VWC2L: variants seen among roughly 807,000 people sequenced by gnomAD.
VWC2L encodes the protein von Willebrand factor C domain containing 2 like.
VWC2L carries 10 observed loss-of-function variants against 21.6 expected under a neutral mutation model. That is an observed-to-expected ratio of 0.46 (90% CI 0.29 to 0.78). The LOEUF (loss-of-function observed/expected upper bound fraction) is 0.78, where lower values mean the gene tolerates loss of function less well. Among genes scored for constraint, VWC2L ranks in the 30% least tolerant of loss-of-function variants. The pLI is 0.10. For missense variants in VWC2L, 209 were observed against 277.1 expected (o/e 0.75, Z 1.74); for synonymous variants, 96 against 94.3 (o/e 1.02, Z -0.10).
intron 3 of VWC2L, among the ~76,000 whole-genome samples, chr2:214,548,380 GATGATGTA>G (rs567092875): frequency 4.1e-4 from 62 of 152,338 alleles, no homozygotes; most frequent in Non-Finnish European, 6.9e-4. Context: ...TGTTGGCAGA[GATGATGTA>G]CTTTTGATTT....
chr2:214,552,403 C>A (rs1689807924), intron 3 of VWC2L, among the ~76,000 whole-genome samples: 1 of 152,154 alleles, frequency 6.6e-6, no homozygotes, highest in African/African-American at 2.4e-5. Flanking sequence ...CCACATCTCA[C>A]TTTCAAAACA....
At chr2:214,473,203 T>C (rs563001333) in intron 3 of VWC2L, among the ~76,000 whole-genome samples, 1 of 152,292 alleles carries the variant, frequency 6.6e-6, no homozygotes, top group South Asian at 2.1e-4. Flanking sequence ...TCCTAATGAA[T>C]AATGACCAAG....
At chr2:214,515,465 G>A (rs1689126244) in intron 3 of VWC2L, among the ~76,000 whole-genome samples, 2 of 152,184 alleles carry the variant, frequency 1.3e-5, no homozygotes, top group Non-Finnish European at 2.9e-5. Flanking sequence ...GAGCCTTAAA[G>A]GGACAGCTGC....
intron 2 of VWC2L, among the ~76,000 whole-genome samples, chr2:214,430,554 C>T (rs1459356907): frequency 6.6e-6 from 1 of 151,852 alleles, no homozygotes; most frequent in African/African-American, 2.4e-5. Flanking sequence ...TTAAATTAGA[C>T]ATCATATTTC....
At chr2:214,514,970 T>C (rs1401363925) in intron 3 of VWC2L, among the ~76,000 whole-genome samples, 4 of 152,202 alleles carry the variant, frequency 2.6e-5, no homozygotes, top group Non-Finnish European at 5.9e-5. Context: ...AAAATACAGT[T>C]TTAATTCCTG....
chr2:214,461,136 C>T (rs1703134401), intron 3 of VWC2L, among the ~76,000 whole-genome samples: 2 of 152,166 alleles, frequency 1.3e-5, no homozygotes, highest in African/African-American at 4.8e-5. Flanking sequence ...GTAGTCAGGC[C>T]CCAGTCGTGG....
intron 3 of VWC2L, among the ~76,000 whole-genome samples, chr2:214,531,490 C>A (rs1368944710): frequency 6.6e-6 from 1 of 152,086 alleles, no homozygotes; most frequent in Non-Finnish European, 1.5e-5. Flanking sequence ...TGCATTTTCT[C>A]TGTATTAGAA....
intron 3 of VWC2L, among the ~76,000 whole-genome samples, chr2:214,450,017 C>T (rs971723038): frequency 5.3e-5 from 8 of 152,168 alleles, no homozygotes; most frequent in African/African-American, 1.7e-4. Context: ...TTGAAAGCCT[C>T]CTGCTCCAAC....
intron 3 of VWC2L, among the ~76,000 whole-genome samples, chr2:214,539,405 G>T (rs1320668555): frequency 6.6e-6 from 1 of 152,142 alleles, no homozygotes; most frequent in Admixed American, 6.5e-5. Context: ...GTCATTAGTT[G>T]ACTGTCAGTA....
intron 3 of VWC2L, among the ~76,000 whole-genome samples, chr2:214,530,780 A>T (rs1689421118): frequency 6.6e-6 from 1 of 152,192 alleles, no homozygotes; most frequent in Non-Finnish European, 1.5e-5. Context: ...TACTTATATA[A>T]AATTTATGCC....
At chr2:214,470,916 CAAAAAAAAAAAAAAA>C (rs56041924) in intron 3 of VWC2L, among the ~76,000 whole-genome samples, 3 of 50,794 alleles carry the variant, frequency 5.9e-5, no homozygotes, top group Non-Finnish European at 9.2e-5. Context: ...AACTCCATCT[CAAAAAAAAAAAAAAA>C]AAAAAAAAAA....
At chr2:214,445,515 T>C (rs1702824989) in intron 3 of VWC2L, among the ~76,000 whole-genome samples, 1 of 151,764 alleles carries the variant, frequency 6.6e-6, no homozygotes, top group Non-Finnish European at 1.5e-5. Flanking sequence ...TGTGTGTATG[T>C]ATGTATGTAC....
chr2:214,496,024 A>C (rs1385265005), intron 3 of VWC2L, among the ~76,000 whole-genome samples: 1 of 152,094 alleles, frequency 6.6e-6, no homozygotes, highest in Non-Finnish European at 1.5e-5. Flanking sequence ...GATTCTGCTT[A>C]CACAAACCTA....
intron 2 of VWC2L, among the ~76,000 whole-genome samples, chr2:214,435,924 A>C (rs1489451257): frequency 6.6e-6 from 1 of 152,130 alleles, no homozygotes; most frequent in Admixed American, 6.6e-5. Flanking sequence ...TCTGATGTTT[A>C]ATTTTTTTCT....
intron 3 of VWC2L, among the ~76,000 whole-genome samples, chr2:214,535,797 AACACAC>A (rs10581608): frequency 2.5e-3 from 378 of 150,042 alleles, no homozygotes; most frequent in South Asian, 0.015. Flanking sequence ...GGAAAAATGA[AACACAC>A]ACACACACAC....
intron 3 of VWC2L, among the ~76,000 whole-genome samples, chr2:214,500,909 C>T (rs1688882137): frequency 6.6e-6 from 1 of 152,190 alleles, no homozygotes; most frequent in Non-Finnish European, 1.5e-5. Flanking sequence ...TTTCATCACT[C>T]ACTCTTGATG....
chr2:214,445,829 A>G (rs1239926356), intron 3 of VWC2L, among the ~76,000 whole-genome samples: 3 of 152,094 alleles, frequency 2.0e-5, no homozygotes, highest in African/African-American at 4.8e-5. Context: ...AAACAATAGC[A>G]TGTTCCTTAT....
At chr2:214,549,756 A>G (rs1689764433) in intron 3 of VWC2L, among the ~76,000 whole-genome samples, 1 of 152,246 alleles carries the variant, frequency 6.6e-6, no homozygotes, top group Non-Finnish European at 1.5e-5. Context: ...CTGGCAACAG[A>G]GCGAGACTCC....
chr2:214,495,275 T>C (rs1053697063), intron 3 of VWC2L, among the ~76,000 whole-genome samples: 2 of 152,178 alleles, frequency 1.3e-5, no homozygotes, highest in Non-Finnish European at 2.9e-5. Flanking sequence ...ACTGCCTTTT[T>C]GTTTATCATC....
Sources: gnomAD v4.1 joint callset for allele counts (sites outside exome capture counted in the v4.1 genomes callset) on GRCh38, gnomAD v4.1.1 for gene constraint, MANE v1.5 for transcripts, NCBI Gene and HGNC (gene_info 2026-07-23, HGNC 2026-07-21) for gene names.